The following WWOX variants were observed in gnomAD, a reference collection of about 807,000 sequenced individuals.
The protein encoded by WWOX is WW domain-containing oxidoreductase.
WWOX carries 69 observed loss-of-function variants against 46.2 expected under a neutral mutation model. The ratio of observed to expected loss-of-function variants is 1.49; its 90% confidence interval spans 1.23 to 1.82. WWOX has a LOEUF of 1.82. Among genes scored for constraint, WWOX ranks in the 40% most tolerant of loss-of-function variants. The pLI is 0.00. For missense variants in WWOX, 919 were observed against 542.6 expected, an observed-to-expected ratio of 1.69 and a Z score of -6.89; for synonymous variants, 359 against 202.6, an observed-to-expected ratio of 1.77 and a Z score of -6.56.
At chr16:78,708,455 C>G (rs926226099) in intron 8 of WWOX, among the ~76,000 whole-genome samples, 1 of 152,142 alleles carries the variant, frequency 6.6e-6, no homozygotes, top group African/African-American at 2.4e-5. Context: ...TGGTATCTTT[C>G]CTCCTGTGAT....
intron 8 of WWOX, among the ~76,000 whole-genome samples, chr16:78,479,451 A>G (rs1442532229): frequency 6.6e-6 from 1 of 152,150 alleles, no homozygotes; most frequent in Non-Finnish European, 1.5e-5. Context: ...GTTTATTTGG[A>G]CTTTATGATT....
At position 79,115,212 on chromosome 16, in the gene WWOX, C is replaced by T. The variant is rs531197811; in HGVS notation, c.1057-96396C>T. Among the ~76,000 whole-genome samples the T allele has an allele frequency of 6.6e-5, 10 of 152,278 alleles. No individual in the cohort carries two copies. The East Asian group carries it at 1.7e-3, about 26-fold the overall frequency. ...AATGGGGTTGCTTGATTTGATTTGC[C>T]CTTTACTTGGCTGGAATTCTCTCTA... On this transcript the variant is annotated intron_variant, in intron 8 of 8. Coordinates refer to ENST00000566780, the MANE Select transcript of WWOX (RefSeq NM_016373.4).
intron 8 of WWOX, among the ~76,000 whole-genome samples, chr16:78,779,225 A>G (rs867066834): frequency 6.6e-6 from 1 of 152,160 alleles, no homozygotes; most frequent in Admixed American, 6.5e-5. Flanking sequence ...GCTCAGTACA[A>G]CATCTGCCTC....
At chr16:78,956,548 G>T (rs1490230901) in intron 8 of WWOX, among the ~76,000 whole-genome samples, 3 of 152,100 alleles carry the variant, frequency 2.0e-5, no homozygotes, top group African/African-American at 7.2e-5. Flanking sequence ...TATATATTCT[G>T]TGGGTTTTCA....
At chr16:78,263,591 C>T (rs1010591168) in intron 5 of WWOX, among the ~76,000 whole-genome samples, 4 of 152,050 alleles carry the variant, frequency 2.6e-5, no homozygotes, top group African/African-American at 9.7e-5. Context: ...CATAGCTTTG[C>T]AGAGACTTTG....
intron 5 of WWOX, among the ~76,000 whole-genome samples, chr16:78,329,379 G>T (rs2080706226): frequency 6.6e-6 from 1 of 152,134 alleles, no homozygotes; most frequent in Non-Finnish European, 1.5e-5. Context: ...TTGTTTCTTA[G>T]AACAACCTCC....
At chr16:79,133,051 A>C (rs1306677781) in intron 8 of WWOX, among the ~76,000 whole-genome samples, 1 of 152,178 alleles carries the variant, frequency 6.6e-6, no homozygotes, top group Non-Finnish European at 1.5e-5. Context: ...GAAGCTTTTG[A>C]AAAGAAAACA....
intron 8 of WWOX, among the ~76,000 whole-genome samples, chr16:78,567,670 A>G (rs745383096): frequency 3.2e-4 from 49 of 151,848 alleles, no homozygotes; most frequent in Non-Finnish European, 5.6e-4. Context: ...TAACTAGGGC[A>G]AAGAAGAACC....
chr16:78,836,820 C>G (rs1034184657), intron 8 of WWOX, among the ~76,000 whole-genome samples: 14 of 152,256 alleles, frequency 9.2e-5, no homozygotes, highest in African/African-American at 1.7e-4. Context: ...GGTTTGGATT[C>G]CTAATCACGG....
chr16:78,594,898 A>G (rs1020543432), intron 8 of WWOX, among the ~76,000 whole-genome samples: 2 of 152,204 alleles, frequency 1.3e-5, no homozygotes, highest in African/African-American at 4.8e-5. Flanking sequence ...GCATATTGCA[A>G]GTAAAGAATT....
At chr16:78,352,145 A>T (rs1597080582) in intron 5 of WWOX, among the ~76,000 whole-genome samples, 1 of 152,204 alleles carries the variant, frequency 6.6e-6, no homozygotes, top group Non-Finnish European at 1.5e-5. Context: ...TGAAAATGTG[A>T]GCATATGCAG....
intron 8 of WWOX, among the ~76,000 whole-genome samples, chr16:79,169,247 A>C (rs2050654565): frequency 6.8e-6 from 1 of 147,054 alleles, no homozygotes; most frequent in Non-Finnish European, 1.5e-5. Context: ...GACTCTAGAC[A>C]GTAGTTTGTT....
At chr16:78,171,090 A>G (rs563517424) in intron 5 of WWOX, among the ~76,000 whole-genome samples, 52 of 152,334 alleles carry the variant, frequency 3.4e-4, no homozygotes, top group African/African-American at 1.1e-3. Flanking sequence ...TTATTTTCAG[A>G]TAGGGAGCAC....
At chr16:79,166,912 A>G (rs963401895) in intron 8 of WWOX, among the ~76,000 whole-genome samples, 2 of 151,952 alleles carry the variant, frequency 1.3e-5, no homozygotes, top group Admixed American at 6.6e-5. Context: ...AGTATACAAC[A>G]CTCGGTAAAT....
intron 8 of WWOX, among the ~76,000 whole-genome samples, chr16:78,594,094 TAA>T (rs2045418049): frequency 6.6e-6 from 1 of 152,152 alleles, no homozygotes; most frequent in Non-Finnish European, 1.5e-5. Flanking sequence ...AAGAGGATGA[TAA>T]AGTCACTTCT....
intron 8 of WWOX, among the ~76,000 whole-genome samples, chr16:78,802,940 AAAC>A (rs1326431960): frequency 1.1e-5 from 1 of 92,752 alleles, no homozygotes; most frequent in African/African-American, 4.9e-5. Context: ...AAAAAAAAAA[AAAC>A]AACAAACAGA....
intron 4 of WWOX, among the ~76,000 whole-genome samples, chr16:78,156,981 G>T (rs1421231173): frequency 6.6e-6 from 1 of 152,090 alleles, no homozygotes; most frequent in Non-Finnish European, 1.5e-5. Flanking sequence ...CTGGCCTTGT[G>T]TTATATCGAT....
chr16:78,280,136 G>C (rs2079650345), intron 5 of WWOX, among the ~76,000 whole-genome samples: 1 of 152,204 alleles, frequency 6.6e-6, no homozygotes, highest in Non-Finnish European at 1.5e-5. Flanking sequence ...TTTAGCTGTT[G>C]TGGGATTTCC....
chr16:78,718,415 G>GT (rs1179560989), intron 8 of WWOX, among the ~76,000 whole-genome samples: 3 of 152,064 alleles, frequency 2.0e-5, no homozygotes, highest in Admixed American at 6.6e-5. Context: ...TAAATTTAAT[G>GT]TTTTTTTGCT....
Sources: gnomAD v4.1 joint callset for allele counts (sites outside exome capture counted in the v4.1 genomes callset) on GRCh38, gnomAD v4.1.1 for gene constraint, MANE v1.5 for transcripts, NCBI Gene and HGNC (gene_info 2026-07-23, HGNC 2026-07-21) for gene names.